Variants in MMP13 observed in about 807,000 individuals in gnomAD.
MMP13 encodes the protein matrix metallopeptidase 13, also known as collagenase 3.
MMP13 carries 45 observed loss-of-function variants against 52.1 expected under a neutral mutation model. That is an observed-to-expected ratio of 0.86 (90% CI 0.68 to 1.11). MMP13 has a LOEUF of 1.11. MMP13 is among the 50% of genes least tolerant of loss of function. MMP13 has a pLI of 0.00. For missense variants in MMP13, 576 were observed against 583.8 expected (o/e 0.99, Z 0.14); for synonymous variants, 200 against 204.4 (o/e 0.98, Z 0.18).
Position 102,950,193 on chromosome 11 carries a change from T to C in MMP13, c.834A>G (p.Pro278=), listed in dbSNP as rs370869245. ...PGDEDPNPKH[P]KTPDKCDPSL... is the part of the protein sequence containing the mutation. Reference sequence around the variant, plus strand: ...AAGGGTCACATTTGTCTGGCGTTTTTGGATGTTTAGGGTTGGGGTCTTCAT... The same window carrying C: ...AAGGGTCACATTTGTCTGGCGTTTTCGGATGTTTAGGGTTGGGGTCTTCAT... The change falls in exon 6 of 10, where the codon CCA becomes CCG. Residue 278 remains proline (P), a synonymous_variant. Coordinates refer to ENST00000260302, the MANE Select transcript of MMP13 (RefSeq NM_002427.4). The C allele has an allele frequency of 6.2e-7, 1 of 1,613,720 alleles. No homozygotes were observed. Among genetic ancestry groups the C allele is most frequent in the African/African-American group, 1.3e-5 (1 of 74,900 alleles).
intron 8 of MMP13, among the ~76,000 whole-genome samples, 198 bp downstream of exon 8, chr11:102,947,693 G>T (rs1038250073): frequency 2.6e-5 from 4 of 151,916 alleles, no homozygotes; most frequent in Non-Finnish European, 5.9e-5. Flanking sequence ...GTGTGTGTGT[G>T]TGTGTGTGTG....
In MMP13 at chr11:102,955,335, C is replaced by A. The variant is rs1247325028; in HGVS notation, c.279G>T (p.Lys93Asn). ...CCACATCAGGAACCCCGCATCTTGG[C>A]TTTTTCATGACATCTAAGGTGTTAT... ...LDDNTLDVMK[K>N]PRCGVPDVGE... is the part of the protein sequence containing the mutation. The change falls in exon 2 of 10, where the codon AAG becomes AAT. Residue 93 changes from lysine (K) to asparagine (N), a missense_variant. Transcript: ENST00000260302. This position sits in a 1 kb window ranked among gnomAD's most constrained non-coding sequence, Gnocchi z 4.9. The A allele has an allele frequency of 6.2e-7, 1 of 1,613,986 alleles. No homozygotes were observed. The highest frequency in any genetic ancestry group is 8.5e-7 in the Non-Finnish European group (1 of 1,179,922).
In MMP13 at chr11:102,955,386, G is replaced by C. The variant is rs751746911; in HGVS notation, c.228C>G (p.Gly76=). The C allele has an allele frequency of 6.2e-7, 1 of 1,613,998 alleles. No individual in the cohort carries two copies. Among genetic ancestry groups the C allele is most frequent in the South Asian group, 1.1e-5 (1 of 91,072 alleles). ...CGTCAAGTTTGCCAGTCACCTCTAA[G>C]CCGAAGAAAGACTGCATTTCTCGGA... ...ERLREMQSFF[G]LEVTGKLDDN... Residue 76 remains glycine (G), a synonymous_variant, in exon 2 of 10, where the codon GGC becomes GGG. Transcript: ENST00000260302. The surrounding 1 kb of genome is among the most constrained non-coding windows in gnomAD (Gnocchi z 4.9).
intron 9 of MMP13, chr11:102,945,306 A>G: frequency 9.9e-7 from 1 of 1,010,062 alleles, no homozygotes; most frequent in South Asian, 2.3e-5. Flanking sequence ...TAAGGTAGTT[A>G]TGAGTCTTTA....
chr11:102,954,679 A>C (rs1860668753), intron 2 of MMP13, 73 bp from the exon 3 acceptor site: 1 of 1,378,472 alleles, frequency 7.3e-7, no homozygotes, highest in African/African-American at 1.4e-5. Flanking sequence ...TTCTTGGTAT[A>C]TTGCTTTTCA....
At position 102,955,720 on chromosome 11, in the gene MMP13, C is replaced by T. The variant is rs748892496; in HGVS notation, c.-15G>A. On this transcript the variant is annotated 5_prime_UTR_variant, in exon 1 of 10. Transcript: ENST00000260302. The surrounding 1 kb of genome is among the most constrained non-coding windows in gnomAD (Gnocchi z 4.9). ...CCTGGATGCATCTTGAATGGTGATG[C>T]CTGGGGACTGTTGTCTTTCCGCAGA... The T allele has an allele frequency of 1.9e-6, 3 of 1,613,730 alleles. No homozygotes were observed. Among genetic ancestry groups the T allele is most frequent in the East Asian group, 4.5e-5 (2 of 44,872 alleles).
At chr11:102,945,052 T>A in intron 9 of MMP13, 1 of 266,442 alleles carries the variant, frequency 3.8e-6, no homozygotes. Context: ...AAGACCAGCC[T>A]AGCCAACATG....
In MMP13 at chr11:102,954,573, A is replaced by C. The variant is rs1351498002; in HGVS notation, c.396T>G (p.Ser132=). 17 of 1,613,720 alleles carry C rather than the reference A, an allele frequency of 1.1e-5. No homozygotes were observed. Among genetic ancestry groups the C allele is most frequent in the Non-Finnish European group, 1.4e-5 (17 of 1,179,718 alleles). ...IVNYTPDMTH[S]EVEKAFKKAF... ...CTTTTTTGAATGCCTTTTCGACTTC[A>C]GAATGAGTCATATCAGGGGTGTAAT... The change falls in exon 3 of 10, where the codon TCT becomes TCG. Residue 132 remains serine, a synonymous_variant. Transcript: ENST00000260302.
chr11:102,944,578 C>T (rs1057301335), intron 9 of MMP13, among the ~76,000 whole-genome samples: 1 of 151,464 alleles, frequency 6.6e-6, no homozygotes, highest in Non-Finnish European at 1.5e-5. Context: ...TGTGAATCCT[C>T]CTACACAGTT....
At chr11:102,954,065 ATATT>A in intron 4 of MMP13, 87 bp downstream of exon 4, 1 of 1,396,416 alleles carries the variant, frequency 7.2e-7, no homozygotes, top group Non-Finnish European at 9.9e-7. Flanking sequence ...AATACCAAAT[ATATT>A]TAACTTTTAT....
chr11:102,945,315 TATATATAA>T, intron 9 of MMP13: 1 of 1,019,860 alleles, frequency 9.8e-7, no homozygotes, highest in Non-Finnish European at 1.2e-6. Flanking sequence ...TATGAGTCTT[TATATATAA>T]ATTACTTCCC....
chr11:102,945,010 G>A (rs181402397), intron 9 of MMP13: 11 of 209,468 alleles, frequency 5.3e-5, no homozygotes, highest in East Asian at 2.6e-4. Context: ...TTGGGAGGCC[G>A]AGGCGGGTGA....
chr11:102,945,277 TA>T, intron 9 of MMP13: 2 of 956,390 alleles, frequency 2.1e-6, no homozygotes, highest in Non-Finnish European at 2.7e-6. Flanking sequence ...ATAATTAAAG[TA>T]AAAAGTCACT....
At chr11:102,948,604 TCTATA>T (rs1860555111) in intron 7 of MMP13, among the ~76,000 whole-genome samples, 2 of 152,144 alleles carry the variant, frequency 1.3e-5, no homozygotes, top group Admixed American at 1.3e-4. Flanking sequence ...TAAAAATGTA[TCTATA>T]CTATGAAAAT....
rs1250689196 is a variant in MMP13, at chr11:102,948,038, C to T, written c.1064G>A (p.Trp355Ter). The change falls in exon 8 of 10, where the codon TGG becomes TAG. Residue 355 changes from tryptophan (W) to a stop codon, truncating the protein, a stop_gained. Coordinates refer to ENST00000260302, the MANE Select transcript of MMP13 (RefSeq NM_002427.4). LOFTEE classifies it high-confidence loss of function. ...LIFIFRGRKFWALNGYDILEG... is the reference protein window; with the variant it reads ...LIFIFRGRKF ...CAGAATGTCATAACCATTAAGAGCC[C>T]AAAATTTTCTACCTGGAATGAGTGA... The T allele has an allele frequency of 6.2e-7, 1 of 1,613,256 alleles. No homozygotes were observed. The highest frequency in any genetic ancestry group is 8.5e-7 in the Non-Finnish European group (1 of 1,179,614).
rs782514579 is a variant in MMP13 at position 102,952,069 on chromosome 11, C to T, written c.742G>A (p.Gly248Ser). Reference sequence around the variant, plus strand: ...TCAGGAAGCATAAAGTGGCTTTTGCCGGTGTAGGTGTAGATAGGAAACATG... The same window carrying T: ...TCAGGAAGCATAAAGTGGCTTTTGCTGGTGTAGGTGTAGATAGGAAACATG... ...ALMFPIYTYT[G>S]KSHFMLPDDD... Residue 248 changes from glycine (G) to serine (S), a missense_variant, in exon 5 of 10, where the codon GGC (glycine) becomes AGC (serine). Coordinates refer to ENST00000260302, the MANE Select transcript of MMP13 (RefSeq NM_002427.4). The surrounding 1 kb of genome is among the most constrained non-coding windows in gnomAD (Gnocchi z 4.3). The T allele has an allele frequency of 1.9e-5, 31 of 1,613,122 alleles. No individual in the cohort carries two copies. Among genetic ancestry groups the T allele is most frequent in the South Asian group, 1.9e-4 (17 of 91,060 alleles).
chr11:102,948,135 A>G, intron 7 of MMP13, 85 bp from the exon 8 acceptor site: 1 of 1,026,112 alleles, frequency 9.7e-7, no homozygotes, highest in Non-Finnish European at 1.5e-6. Flanking sequence ...AGACAGGCCC[A>G]CTTTTACATT....
chr11:102,954,740 C>G, intron 2 of MMP13, 134 bp from the exon 3 acceptor site: 2 of 890,446 alleles, frequency 2.2e-6, no homozygotes, highest in Middle Eastern at 3.4e-4. Context: ...TTTATTGTTT[C>G]AAATAATGTA....
Position 102,944,043 on chromosome 11 carries a change from T to A in MMP13, c.*223A>T. ...CATTGCTTTTGTACAGCAACAAGAA[T>A]CAGATGCTCTTTAGAGATCCTCCAT... On this transcript the variant is annotated 3_prime_UTR_variant, in exon 10 of 10. Coordinates refer to ENST00000260302, the MANE Select transcript of MMP13 (RefSeq NM_002427.4). The A allele has an allele frequency of 2.0e-6, 1 of 495,586 alleles. No homozygotes were observed. Among genetic ancestry groups the A allele is most frequent in the Non-Finnish European group, 3.8e-6 (1 of 261,290 alleles). The allele number at this position is 495,586 out of a possible 1,614,324, so 30.7% of individuals were successfully genotyped here.
Sources: gnomAD v4.1 joint callset for allele counts (sites outside exome capture counted in the v4.1 genomes callset) on GRCh38, gnomAD v4.1.1 for gene constraint, Gnocchi (gnomAD v3.1) non-coding constraint, MANE v1.5 for transcripts, NCBI Gene and HGNC (gene_info 2026-07-23, HGNC 2026-07-21) for gene names.